IL1RAPL2: variants seen among roughly 807,000 people sequenced by gnomAD.
IL1RAPL2 encodes the protein interleukin 1 receptor accessory protein like 2, also known as X-linked interleukin-1 receptor accessory protein-like 2.
In IL1RAPL2, 3 loss-of-function variants were observed where a neutral mutation model predicts 44.1. That is an observed-to-expected ratio of 0.07 (90% CI 0.03 to 0.18). IL1RAPL2 has a LOEUF of 0.18. Ranked by LOEUF, IL1RAPL2 falls within the 10% of genes least tolerant of loss-of-function variation. The pLI is 1.00. For missense variants in IL1RAPL2, 391 were observed against 496.4 expected (o/e 0.79, Z 2.02); for synonymous variants, 181 against 178.8 (o/e 1.01, Z -0.10).
intron 4 of IL1RAPL2, among the ~76,000 whole-genome samples, chrX:105,239,920 C>T (rs1362414025): frequency 5.4e-5 from 6 of 111,841 alleles, no homozygotes; most frequent in Admixed American, 4.8e-4. Flanking sequence ...CAAGGAAAAG[C>T]TTTGATACAA....
At chrX:104,774,620 T>A (rs2147599144) in intron 2 of IL1RAPL2, among the ~76,000 whole-genome samples, 1 of 112,084 alleles carries the variant, frequency 8.9e-6, no homozygotes, top group Admixed American at 9.5e-5. Context: ...GCAGCACAAA[T>A]GATATACCAG....
At chrX:105,003,169 A>C (rs776559505) in intron 2 of IL1RAPL2, among the ~76,000 whole-genome samples, 1 of 111,265 alleles carries the variant, frequency 9.0e-6, no homozygotes, top group East Asian at 2.9e-4. Flanking sequence ...CAAATATGCA[A>C]TGCACAGCTG....
At chrX:105,678,195 G>A (rs566608699) in intron 6 of IL1RAPL2, among the ~76,000 whole-genome samples, 2 of 112,098 alleles carry the variant, frequency 1.8e-5, no homozygotes, top group Admixed American at 1.9e-4. Flanking sequence ...TAACACATGA[G>A]CAATAAACTT....
At position 104,705,071 on chromosome X, in the gene IL1RAPL2, A is replaced by G. The variant is rs939941084; in HGVS notation, c.82+46076A>G. On this transcript the variant is annotated intron_variant, in intron 2 of 10. Transcript: ENST00000372582. ...GAGGGGGAGGAGAAGGTATGCTGGG[A>G]GGTGACCTGGCAATAAAGGGAATAG... Among the ~76,000 whole-genome samples the G allele has an allele frequency of 3.6e-5, 4 of 111,732 alleles. No homozygotes were observed. In the South Asian group the frequency reaches 1.5e-3, roughly 42 times the overall value.
At chrX:105,439,382 T>C (rs186265022) in intron 5 of IL1RAPL2, among the ~76,000 whole-genome samples, 2 of 111,042 alleles carry the variant, frequency 1.8e-5, no homozygotes, top group East Asian at 5.7e-4. Flanking sequence ...AAAGTACAAC[T>C]ACAAGTCCAA....
intron 2 of IL1RAPL2, among the ~76,000 whole-genome samples, chrX:104,747,315 C>A (rs1424563786): frequency 9.0e-6 from 1 of 111,383 alleles, no homozygotes; most frequent in Non-Finnish European, 1.9e-5. Context: ...TTGCCTATGC[C>A]TTTTCCCTTC....
rs780559866 is a variant in IL1RAPL2, at chrX:105,364,822, C to T, written c.697+97281C>T. 1.2e-4 allele frequency among the ~76,000 whole-genome samples: 13 copies of T among 111,634 alleles called. No homozygotes were observed. In the South Asian group the frequency reaches 3.3e-3, roughly 28 times the overall value. On this transcript the variant is annotated intron_variant, in intron 5 of 10. Transcript: ENST00000372582. ...TTGTGGAATCTTTAGGGTTTTTCTA[C>T]GTATAACATCATGTCATCAGCAAAC...
chrX:104,778,329 A>G (rs760334661), intron 2 of IL1RAPL2, among the ~76,000 whole-genome samples: 22 of 111,438 alleles, frequency 2.0e-4, no homozygotes, highest in Admixed American at 1.7e-3. Context: ...GAATGAATTC[A>G]TATTGGCTTC....
At chrX:105,414,251 C>T (rs976047980) in intron 5 of IL1RAPL2, among the ~76,000 whole-genome samples, 1 of 110,757 alleles carries the variant, frequency 9.0e-6, no homozygotes, top group Non-Finnish European at 1.9e-5. Flanking sequence ...CCTCAGCCTC[C>T]CGAGTAGCCG....
intron 6 of IL1RAPL2, among the ~76,000 whole-genome samples, chrX:105,531,041 G>A (rs917569269): frequency 6.3e-5 from 7 of 111,625 alleles, no homozygotes; most frequent in African/African-American, 2.3e-4. Context: ...CAACAAGCAC[G>A]GGAGTGCAGA....
chrX:105,660,088 A>T (rs1342790742), intron 6 of IL1RAPL2, among the ~76,000 whole-genome samples: 4 of 111,629 alleles, frequency 3.6e-5, no homozygotes, highest in African/African-American at 1.3e-4. Flanking sequence ...TTTATTAATC[A>T]AACTCCCAAA....
chrX:105,696,261 G>A (rs768831990), intron 6 of IL1RAPL2, among the ~76,000 whole-genome samples: 9 of 111,858 alleles, frequency 8.0e-5, no homozygotes, highest in Non-Finnish European at 1.3e-4. Context: ...GACATGTGGC[G>A]CTTTAGCCAC....
chrX:104,596,064 C>A (rs1173428726), intron 1 of IL1RAPL2, among the ~76,000 whole-genome samples: 4 of 110,349 alleles, frequency 3.6e-5, no homozygotes. Flanking sequence ...CAATAAAATA[C>A]AAGGAAAACA....
intron 2 of IL1RAPL2, among the ~76,000 whole-genome samples, chrX:104,724,815 G>T (rs1195515797): frequency 9.0e-6 from 1 of 111,307 alleles, no homozygotes; most frequent in Non-Finnish European, 1.9e-5. Context: ...TGTTGACTTT[G>T]TTGAAGACCA....
intron 2 of IL1RAPL2, among the ~76,000 whole-genome samples, chrX:105,167,493 G>A (rs187729460): frequency 8.9e-6 from 1 of 111,845 alleles, no homozygotes; most frequent in Non-Finnish European, 1.9e-5. Context: ...GGTCGATTTG[G>A]TTGATTCAGT....
intron 6 of IL1RAPL2, among the ~76,000 whole-genome samples, chrX:105,554,657 A>G (rs893501956): frequency 9.0e-6 from 1 of 110,869 alleles, no homozygotes; most frequent in South Asian, 3.8e-4. Flanking sequence ...GATAGTCTGT[A>G]TTACTCAATC....
intron 2 of IL1RAPL2, among the ~76,000 whole-genome samples, chrX:105,041,855 C>G (rs2031747226): frequency 9.0e-6 from 1 of 110,959 alleles, no homozygotes; most frequent in Non-Finnish European, 1.9e-5. Context: ...ACCAAAAGAG[C>G]ATGGTACTGG....
At chrX:105,574,357 T>G (rs2037035774) in intron 6 of IL1RAPL2, among the ~76,000 whole-genome samples, 1 of 111,087 alleles carries the variant, frequency 9.0e-6, no homozygotes, top group Non-Finnish European at 1.9e-5. Flanking sequence ...GGGGAGGGAA[T>G]CTGCAGGGGA....
chrX:104,622,277 G>A (rs932804602), intron 1 of IL1RAPL2, among the ~76,000 whole-genome samples: 21 of 109,454 alleles, frequency 1.9e-4, no homozygotes, highest in Non-Finnish European at 1.9e-4. Context: ...TCCTGGTGTC[G>A]GTGTAATATT....
Sources: allele counts gnomAD v4.1 joint callset (sites outside exome capture counted in the v4.1 genomes callset), GRCh38; gene constraint gnomAD v4.1.1; transcripts MANE v1.5; gene names NCBI Gene and HGNC (gene_info 2026-07-23, HGNC 2026-07-21).